WNK3: variants seen among roughly 807,000 people sequenced by gnomAD.
WNK3 encodes serine/threonine-protein kinase WNK3.
Under a neutral mutation model 116.7 loss-of-function variants are expected in WNK3, and 18 were observed. The ratio of observed to expected loss-of-function variants is 0.15; its 90% CI spans 0.11 to 0.23. The LOEUF (loss-of-function observed/expected upper bound fraction) is 0.23, where lower values mean the gene tolerates loss of function less well. Among genes scored for constraint, WNK3 ranks in the 10% least tolerant of loss-of-function variants. WNK3 has a pLI of 1.00. For synonymous variants in WNK3, 404 were observed against 469.4 expected (o/e 0.86, Z 1.80); for missense variants, 993 against 1,323.8 (o/e 0.75, Z 3.88).
chrX:54,198,633 G>T, exon 24 of WNK3: 1 of 1,196,055 alleles, frequency 8.4e-7, no homozygotes, highest in East Asian at 3.0e-5. Context: ...TTGATGTGTA[G>T]CCCATAGTAG....
At chrX:54,296,981 C>A (rs3021280) in intron 7 of WNK3, among the ~76,000 whole-genome samples, 24,400 of 110,391 alleles carry the variant, frequency 0.22, 5,684 homozygotes, top group African/African-American at 0.71. Context: ...GGTCTGCACA[C>A]TAGCCCTGCC....
At chrX:54,322,378 C>A (rs1557172518) in intron 2 of WNK3, among the ~76,000 whole-genome samples, 2 of 111,874 alleles carry the variant, frequency 1.8e-5, no homozygotes, top group East Asian at 5.6e-4. Context: ...AACTCCCCAA[C>A]CTCTGGACAT....
exon 18 of WNK3, chrX:54,238,973 G>A (rs1557150908): frequency 8.3e-7 from 1 of 1,210,080 alleles, no homozygotes; most frequent in East Asian, 3.0e-5. Context: ...GGATTTTTGA[G>A]ACTAGGACAA....
intron 2 of WNK3, among the ~76,000 whole-genome samples, chrX:54,312,338 TTAAAA>T (rs1199778402): frequency 1.8e-5 from 2 of 111,223 alleles, no homozygotes. Context: ...AAAAATTAAA[TTAAAA>T]TAACAAAATG....
chrX:54,229,355 TA>T (rs1206145069), intron 21 of WNK3, among the ~76,000 whole-genome samples: 2 of 106,449 alleles, frequency 1.9e-5, no homozygotes, highest in African/African-American at 6.8e-5. Context: ...AAATAAAAGT[TA>T]AAAAAAAAGA....
At chrX:54,228,686 A>C (rs1557148340) in intron 22 of WNK3, 28 bp downstream of exon 22, 8 of 467,659 alleles carry the variant, frequency 1.7e-5, no homozygotes, top group Middle Eastern at 3.6e-4. Flanking sequence ...AAAAAAATTA[A>C]AAGTAAAGAA....
chrX:54,235,482 T>C (rs2067952078), intron 20 of WNK3, among the ~76,000 whole-genome samples: 1 of 111,253 alleles, frequency 9.0e-6, no homozygotes, highest in Admixed American at 9.6e-5. Flanking sequence ...AGACGGGGTT[T>C]TGCCATGTTG....
At chrX:54,222,598 C>T (rs1339888193) in intron 22 of WNK3, among the ~76,000 whole-genome samples, 3 of 104,841 alleles carry the variant, frequency 2.9e-5, no homozygotes, top group African/African-American at 7.0e-5. Flanking sequence ...TATAATAGGC[C>T]GGGCATGGTG....
intron 10 of WNK3, among the ~76,000 whole-genome samples, chrX:54,267,501 G>A (rs1255795665): frequency 9.0e-6 from 1 of 111,004 alleles, no homozygotes; most frequent in Admixed American, 9.6e-5. Context: ...GATGACCATA[G>A]CTAACTGAGT....
intron 17 of WNK3, among the ~76,000 whole-genome samples, chrX:54,239,737 C>T (rs2068002880): frequency 1.8e-5 from 2 of 111,252 alleles, no homozygotes; most frequent in Admixed American, 1.9e-4. Flanking sequence ...GCTATAAAAT[C>T]AATCCCCTCT....
chrX:54,341,895 C>T (rs1310483545), intron 1 of WNK3, among the ~76,000 whole-genome samples: 2 of 111,832 alleles, frequency 1.8e-5, no homozygotes, highest in African/African-American at 6.5e-5. Flanking sequence ...TATAAATTTA[C>T]TGAAAATCAT....
chrX:54,293,045 A>G lies in WNK3; in HGVS notation c.1888-8T>C, dbSNP rs1557165439. 8 of 1,202,944 alleles carry G rather than the reference A, an allele frequency of 6.7e-6. No homozygotes were observed. In the East Asian group the frequency reaches 2.4e-4, roughly 36 times the overall value. On this transcript the variant is annotated splice_region_variant and splice_polypyrimidine_tract_variant and intron_variant, in intron 9 of 23. Transcript: ENST00000354646. The stretch of plus-strand genomic sequence containing the variant: ...CTTTGAATGCTTCTGTAACTGTTAA[A>G]ATAAGGGGAAAAAAAGATTAAAGAT...
At chrX:54,337,065 A>C (rs1350853216) in intron 1 of WNK3, among the ~76,000 whole-genome samples, 1 of 111,164 alleles carries the variant, frequency 9.0e-6, no homozygotes. Context: ...GGAAAAAAAA[A>C]CCTGCAAGAG....
At chrX:54,283,953 T>G (rs2068550964) in intron 10 of WNK3, among the ~76,000 whole-genome samples, 1 of 108,572 alleles carries the variant, frequency 9.2e-6, no homozygotes, top group African/African-American at 3.3e-5. Context: ...AACATAAAAC[T>G]ATAAACCATA....
chrX:54,313,512 G>A (rs782169121), intron 2 of WNK3, among the ~76,000 whole-genome samples: 4 of 110,148 alleles, frequency 3.6e-5, no homozygotes, highest in Non-Finnish European at 5.7e-5. Context: ...CCACCACCCC[G>A]GCTAATTTTG....
chrX:54,330,519 T>C (rs1489053853), intron 2 of WNK3, among the ~76,000 whole-genome samples: 1 of 111,704 alleles, frequency 9.0e-6, no homozygotes, highest in Non-Finnish European at 1.9e-5. Context: ...ACAGCGCCAC[T>C]GCATTCCAGC....
chrX:54,233,301 G>A (rs897578274), intron 20 of WNK3, among the ~76,000 whole-genome samples: 3 of 106,106 alleles, frequency 2.8e-5, no homozygotes, highest in Non-Finnish European at 3.9e-5. Context: ...AGCTGGGCAC[G>A]GTGGTGCATG....
exon 8 of WNK3, chrX:54,294,791 T>G (rs1424113106): frequency 1.7e-6 from 2 of 1,206,662 alleles, no homozygotes; most frequent in Non-Finnish European, 2.2e-6. Flanking sequence ...TCACCCGGTC[T>G]CTAATGGATT....
At chrX:54,198,197 A>G (rs1416505720) in exon 24 of WNK3, 1 of 587,668 alleles carries the variant, frequency 1.7e-6, no homozygotes, top group Non-Finnish European at 2.5e-6. Context: ...AACAAAAAAT[A>G]TATAGTCTAA....
Sources: gnomAD v4.1 joint callset for allele counts (sites outside exome capture counted in the v4.1 genomes callset) on GRCh38, gnomAD v4.1.1 for gene constraint, MANE v1.5 for transcripts, NCBI Gene and HGNC (gene_info 2026-07-23, HGNC 2026-07-21) for gene names.